Variants in PHACTR1 observed in about 807,000 individuals in gnomAD.
PHACTR1 encodes phosphatase and actin regulator 1.
In PHACTR1, 16 loss-of-function variants were observed where a neutral mutation model predicts 69.2. That is an observed-to-expected ratio of 0.23 (90% CI 0.16 to 0.35). The LOEUF (loss-of-function observed/expected upper bound fraction) is 0.35, where lower values mean the gene tolerates loss of function less well. Among genes scored for constraint, PHACTR1 ranks in the 10% least tolerant of loss-of-function variants. PHACTR1 has a pLI of 1.00. For synonymous variants in PHACTR1, 312 were observed against 284.5 expected (o/e 1.10, Z -0.97); for missense variants, 510 against 734.7 (o/e 0.69, Z 3.54).
intron 4 of PHACTR1, among the ~76,000 whole-genome samples, chr6:12,760,730 C>T (rs1024170355): frequency 6.6e-6 from 1 of 152,030 alleles, no homozygotes; most frequent in East Asian, 1.9e-4. Context: ...GTCAGCAGTT[C>T]GAGACCAGCC....
At chr6:13,183,019 C>T (rs191023798) in intron 7 of PHACTR1, among the ~76,000 whole-genome samples, 9 of 152,086 alleles carry the variant, frequency 5.9e-5, no homozygotes, top group Non-Finnish European at 1.5e-5. Context: ...CTGAGGAATC[C>T]TACATTTCTA....
intron 4 of PHACTR1, among the ~76,000 whole-genome samples, chr6:12,892,801 G>A (rs1784289477): frequency 6.6e-6 from 1 of 152,238 alleles, no homozygotes; most frequent in African/African-American, 2.4e-5. Context: ...GAGGATGGCA[G>A]ACATGGAAAC....
At chr6:12,936,504 T>C (rs1392284627) in intron 4 of PHACTR1, among the ~76,000 whole-genome samples, 1 of 152,200 alleles carries the variant, frequency 6.6e-6, no homozygotes, top group Non-Finnish European at 1.5e-5. Context: ...TGCAGATTGC[T>C]AAGGAGAAGG....
At chr6:13,232,725 T>C (rs73725631) in intron 10 of PHACTR1, among the ~76,000 whole-genome samples, 4,807 of 152,254 alleles carry the variant, frequency 0.032, 235 homozygotes, top group African/African-American at 0.11. Context: ...CTCTCTCAGG[T>C]TACATAGAAC....
At chr6:12,941,551 T>C (rs1167510351) in intron 4 of PHACTR1, among the ~76,000 whole-genome samples, 1 of 152,108 alleles carries the variant, frequency 6.6e-6, no homozygotes, top group East Asian at 1.9e-4. Flanking sequence ...CGTGACCGGA[T>C]GTCACTACCT....
intron 4 of PHACTR1, among the ~76,000 whole-genome samples, chr6:12,998,095 A>G (rs1797647454): frequency 6.6e-6 from 1 of 152,268 alleles, no homozygotes; most frequent in South Asian, 2.1e-4. Flanking sequence ...TCACGAAAGT[A>G]GCTTTATAAA....
chr6:12,976,976 T>C (rs187214468), intron 4 of PHACTR1, among the ~76,000 whole-genome samples: 102 of 152,250 alleles, frequency 6.7e-4, no homozygotes, highest in African/African-American at 2.4e-3. Flanking sequence ...GCAGTGTTTG[T>C]TTGTTTTGAG....
intron 10 of PHACTR1, among the ~76,000 whole-genome samples, chr6:13,255,512 A>T (rs532790152): frequency 2.6e-5 from 4 of 152,350 alleles, no homozygotes; most frequent in African/African-American, 9.6e-5. Context: ...GTCTTATCTG[A>T]GACAAGGCTA....
At chr6:12,730,983 CTTTT>C (rs869159413) in intron 3 of PHACTR1, among the ~76,000 whole-genome samples, 28 of 122,024 alleles carry the variant, frequency 2.3e-4, no homozygotes, top group African/African-American at 5.2e-4. Flanking sequence ...AGAATATTAC[CTTTT>C]TTATTTATTT....
At position 13,269,913 on chromosome 6, in the gene PHACTR1, G is replaced by A. The variant is rs139475039; in HGVS notation, c.1392-2947G>A. Among the ~76,000 whole-genome samples, 3 of 152,300 alleles carry A rather than the reference G, an allele frequency of 2.0e-5. No individual in the cohort carries two copies. In the East Asian group the frequency reaches 5.8e-4, roughly 29 times the overall value. ...TCTGTGACCCCACACATTTCTGTGT[G>A]AGGCAGCTCCCCACACACCAAGCAA... On this transcript the variant is annotated intron_variant, in intron 10 of 14. Coordinates refer to ENST00000332995, the MANE Select transcript of PHACTR1 (RefSeq NM_030948.6).
intron 4 of PHACTR1, among the ~76,000 whole-genome samples, chr6:13,029,279 G>A (rs1802121307): frequency 6.6e-6 from 1 of 152,214 alleles, no homozygotes; most frequent in African/African-American, 2.4e-5. Flanking sequence ...AGAAATGTCT[G>A]GACTTCAGGG....
rs150222162 is a variant in PHACTR1 at position 13,006,680 on chromosome 6, CACTT to C, written c.251-46684_251-46681del. On this transcript the variant is annotated intron_variant, in intron 4 of 14. Coordinates refer to ENST00000332995, the MANE Select transcript of PHACTR1 (RefSeq NM_030948.6). Reference sequence around the variant, plus strand: ...TATGATACACACACACACACACACACACTTCTCATTGTTTTATTAGTCTCGATAG... The same window carrying C: ...TATGATACACACACACACACACACACCTCATTGTTTTATTAGTCTCGATAG... Among the ~76,000 whole-genome samples, 314 of 152,052 alleles carry C rather than the reference CACTT, an allele frequency of 2.1e-3. 7 individuals carry two copies. The East Asian group carries it at 0.055, about 26-fold the overall frequency.
At chr6:13,094,835 T>C (rs1813902320) in intron 5 of PHACTR1, among the ~76,000 whole-genome samples, 1 of 152,212 alleles carries the variant, frequency 6.6e-6, no homozygotes, top group Non-Finnish European at 1.5e-5. Context: ...CATTATTTAA[T>C]CACTCACCCC....
intron 4 of PHACTR1, among the ~76,000 whole-genome samples, chr6:12,997,932 G>A (rs1451278611): frequency 1.3e-5 from 2 of 151,970 alleles, no homozygotes; most frequent in East Asian, 1.9e-4. Flanking sequence ...CAGCCTGGGC[G>A]ACAGAGCCAG....
intron 4 of PHACTR1, among the ~76,000 whole-genome samples, chr6:12,863,192 A>G (rs1412223493): frequency 6.6e-6 from 1 of 152,268 alleles, no homozygotes; most frequent in Non-Finnish European, 1.5e-5. Flanking sequence ...GCAATGAAGT[A>G]CCACAGACTG....
chr6:12,857,857 A>G (rs1381860052), intron 4 of PHACTR1, among the ~76,000 whole-genome samples: 1 of 152,168 alleles, frequency 6.6e-6, no homozygotes, highest in African/African-American at 2.4e-5. Flanking sequence ...AGTCTACAGA[A>G]ATGAAACAAG....
At chr6:13,111,455 A>G (rs891798856) in intron 5 of PHACTR1, among the ~76,000 whole-genome samples, 1 of 152,180 alleles carries the variant, frequency 6.6e-6, no homozygotes, top group Admixed American at 6.6e-5. Context: ...TTATAATATC[A>G]AATAGTAGAG....
intron 5 of PHACTR1, among the ~76,000 whole-genome samples, chr6:13,157,420 C>G (rs1393884808): frequency 6.6e-6 from 1 of 152,238 alleles, no homozygotes; most frequent in Admixed American, 6.5e-5. Context: ...TCTGTAAACT[C>G]TATCACGGCG....
At chr6:12,794,512 G>A (rs1647976379) in intron 4 of PHACTR1, among the ~76,000 whole-genome samples, 1 of 152,152 alleles carries the variant, frequency 6.6e-6, no homozygotes, top group African/African-American at 2.4e-5. Context: ...TTACCTTTTT[G>A]ACTAGCCACA....
Sources: allele counts gnomAD v4.1 joint callset (sites outside exome capture counted in the v4.1 genomes callset), GRCh38; gene constraint gnomAD v4.1.1; transcripts MANE v1.5; gene names NCBI Gene and HGNC (gene_info 2026-07-23, HGNC 2026-07-21).